ADAMTSL1: variants seen among roughly 807,000 people sequenced by gnomAD.
ADAMTSL1 encodes the protein ADAMTS-like protein 1.
Under a neutral mutation model 201.8 loss-of-function variants are expected in ADAMTSL1, and 126 were observed. The ratio of observed to expected loss-of-function variants is 0.62; its 90% CI spans 0.54 to 0.72. ADAMTSL1 has a LOEUF of 0.72. Among genes scored for constraint, ADAMTSL1 ranks in the 30% least tolerant of loss-of-function variants. The pLI is 0.00. For synonymous variants in ADAMTSL1, 1,121 were observed against 903.4 expected (o/e 1.24, Z -4.32); for missense variants, 2,679 against 2,277.8 (o/e 1.18, Z -3.59).
chr9:18,639,180 G>A, intron 6 of ADAMTSL1, 74 bp from the exon 7 acceptor site: 1 of 1,446,752 alleles, frequency 6.9e-7, no homozygotes, highest in Non-Finnish European at 9.6e-7. Flanking sequence ...TCTAAACATT[G>A]TTGCATGAAA....
chr9:18,899,677 C>T (rs1829886234), intron 26 of ADAMTSL1, among the ~76,000 whole-genome samples: 1 of 152,162 alleles, frequency 6.6e-6, no homozygotes, highest in African/African-American at 2.4e-5. Flanking sequence ...CTGACAAAAA[C>T]GAGTAATGGA....
At chr9:18,178,896 C>A (rs373166758) in intron 2 of ADAMTSL1, among the ~76,000 whole-genome samples, 1 of 151,910 alleles carries the variant, frequency 6.6e-6, no homozygotes, top group African/African-American at 2.4e-5. Flanking sequence ...TCATCAAAGA[C>A]CAAAAGTAGA....
intron 9 of ADAMTSL1, among the ~76,000 whole-genome samples, chr9:18,663,258 C>T (rs575255779): frequency 8.5e-5 from 13 of 152,068 alleles, no homozygotes; most frequent in Non-Finnish European, 1.3e-4. Flanking sequence ...ATATTCCCTA[C>T]CTCATAAAAG....
chr9:18,180,327 A>T (rs1828399972), intron 2 of ADAMTSL1, among the ~76,000 whole-genome samples: 2 of 152,164 alleles, frequency 1.3e-5, no homozygotes, highest in South Asian at 4.1e-4. Context: ...AGGTCAGGAG[A>T]TCGAGACCAT....
At chr9:18,818,104 A>G (rs1456105835) in intron 21 of ADAMTSL1, among the ~76,000 whole-genome samples, 1 of 152,112 alleles carries the variant, frequency 6.6e-6, no homozygotes, top group African/African-American at 2.4e-5. Flanking sequence ...CCCAGCTACT[A>G]TTTTTCCCTT....
intron 2 of ADAMTSL1, among the ~76,000 whole-genome samples, chr9:18,517,734 T>TA (rs1818450201): frequency 6.6e-6 from 1 of 152,208 alleles, no homozygotes; most frequent in South Asian, 2.1e-4. Flanking sequence ...CATGTCCCTA[T>TA]CATTTTTTAT....
intron 2 of ADAMTSL1, among the ~76,000 whole-genome samples, chr9:18,521,207 T>A (rs1475120054): frequency 1.3e-5 from 2 of 152,150 alleles, no homozygotes; most frequent in Non-Finnish European, 1.5e-5. Flanking sequence ...ATGAAGAACA[T>A]TGTAAGCAAA....
At chr9:18,515,390 A>G (rs1818304276) in intron 2 of ADAMTSL1, among the ~76,000 whole-genome samples, 1 of 152,176 alleles carries the variant, frequency 6.6e-6, no homozygotes, top group Non-Finnish European at 1.5e-5. Context: ...GCTGGAGTGC[A>G]GTGGTGCCAT....
At chr9:18,418,939 A>C (rs1818815783) in intron 2 of ADAMTSL1, among the ~76,000 whole-genome samples, 1 of 152,242 alleles carries the variant, frequency 6.6e-6, no homozygotes, top group African/African-American at 2.4e-5. Flanking sequence ...TTTAATACTT[A>C]CTATAAAGCT....
At chr9:18,186,779 C>G (rs1319926910) in intron 2 of ADAMTSL1, among the ~76,000 whole-genome samples, 1 of 151,856 alleles carries the variant, frequency 6.6e-6, no homozygotes, top group Non-Finnish European at 1.5e-5. Flanking sequence ...ATTGGTCATG[C>G]TGGGAAATTA....
At chr9:18,895,830 C>T (rs972350808) in intron 26 of ADAMTSL1, among the ~76,000 whole-genome samples, 13 of 151,970 alleles carry the variant, frequency 8.6e-5, no homozygotes, top group Admixed American at 5.9e-4. Context: ...AAATCACAAG[C>T]CATACAAAGA....
chr9:18,357,351 T>C (rs1213399663), intron 2 of ADAMTSL1, among the ~76,000 whole-genome samples: 1 of 152,184 alleles, frequency 6.6e-6, no homozygotes, highest in Non-Finnish European at 1.5e-5. Flanking sequence ...CAACAATTGG[T>C]AATCCCTTTG....
intron 19 of ADAMTSL1, among the ~76,000 whole-genome samples, chr9:18,785,355 G>A (rs1821643724): frequency 6.6e-6 from 1 of 152,210 alleles, no homozygotes; most frequent in Non-Finnish European, 1.5e-5. Flanking sequence ...TCCAGCTGAT[G>A]AGGCTTTTGT....
intron 15 of ADAMTSL1, among the ~76,000 whole-genome samples, chr9:18,725,614 G>A (rs1817839677): frequency 1.3e-5 from 2 of 152,076 alleles, no homozygotes; most frequent in African/African-American, 4.8e-5. Context: ...CTAATAAGGA[G>A]GTTTTCTGTG....
At chr9:18,504,795 G>A (rs370805538) in intron 1 of ADAMTSL1, 34 bp from the exon 2 acceptor site, 1 of 1,614,158 alleles carries the variant, frequency 6.2e-7, no homozygotes, top group Non-Finnish European at 8.5e-7. Flanking sequence ...TTCCATGGGG[G>A]ATATGATGCT....
chr9:18,711,370 C>T (rs901603444), intron 14 of ADAMTSL1, among the ~76,000 whole-genome samples: 8 of 152,266 alleles, frequency 5.3e-5, no homozygotes, highest in South Asian at 2.1e-4. Context: ...AGACAGTGGG[C>T]GCAGGTCAGT....
Position 18,310,399 on chromosome 9 carries a change from A to AAAAAAAAAAAAAAAAC in ADAMTSL1, c.207+146418_207+146419insAAAAAAAAAAAAAAAC, listed in dbSNP as rs1440483712. Among the ~76,000 whole-genome samples, 88 of 127,392 alleles carry AAAAAAAAAAAAAAAAC rather than the reference A, an allele frequency of 6.9e-4. 4 individuals carry two copies. The highest frequency in any genetic ancestry group is 4.4e-3 in the Middle Eastern group (1 of 228). The allele number at this position is 127,392 out of a possible 152,430, so 83.6% of individuals were successfully genotyped here. A position where few individuals can be genotyped will look rare whatever the true frequency, so the allele number is the denominator to read the frequency against. ...AAAAAAAAAAAAAAAAAAAAAAAAAACTATCTTCAGAGTGAACAGGCAACC... is the reference window on the plus strand; with the variant it reads ...AAAAAAAAAAAAAAAAAAAAAAAAAAAAAAAAAAAAAAAAACCTATCTTCAGAGTGAACAGGCAACC... On this transcript the variant is annotated intron_variant, in intron 2 of 29. Coordinates refer to the ADAMTSL1 transcript ENST00000680146.
intron 2 of ADAMTSL1, among the ~76,000 whole-genome samples, chr9:18,464,703 T>C (rs974623292): frequency 1.3e-5 from 2 of 152,224 alleles, no homozygotes; most frequent in Non-Finnish European, 2.9e-5. Flanking sequence ...AATTTCCTTT[T>C]CATAATTACA....
intron 1 of ADAMTSL1, among the ~76,000 whole-genome samples, chr9:18,489,296 A>C (rs1822150429): frequency 6.6e-6 from 1 of 152,194 alleles, no homozygotes. Flanking sequence ...CCTTGTCCCT[A>C]AAACAGGGAT....
Sources: gnomAD v4.1 joint callset for allele counts (sites outside exome capture counted in the v4.1 genomes callset) on GRCh38, gnomAD v4.1.1 for gene constraint, MANE v1.5 for transcripts, NCBI Gene and HGNC (gene_info 2026-07-23, HGNC 2026-07-21) for gene names.